OR10G7: variants seen among roughly 807,000 people sequenced by gnomAD.
The protein encoded by OR10G7 is olfactory receptor 10G7.
For missense variants in OR10G7, 338 were observed against 382.1 expected, an observed-to-expected ratio of 0.88 and a Z score of 0.96; for synonymous variants, 165 against 167.4, an observed-to-expected ratio of 0.99 and a Z score of 0.11.
chr11:124,038,683 C>G lies in OR10G7; in HGVS notation c.319G>C (p.Gly107Arg). 6.2e-7 allele frequency: 1 copy of G among 1,613,928 alleles called. No individual in the cohort carries two copies. The highest frequency in any genetic ancestry group is 8.5e-7 in the Non-Finnish European group (1 of 1,180,002). The change falls in exon 2 of 2, where the codon GGG becomes CGG. Residue 107 changes from glycine (G) to arginine (R), a missense_variant. By Grantham distance (125) the Gly-to-Arg change is moderately radical. Transcript: ENST00000641585. ...GTGTAGAGGAAACACTCGGTGCTCC[C>G]CAGGAAGTGGAAAAAATAGAGCTGA... The part of the protein sequence containing the change: ...VAQLYFFHFL[G>R]STECFLYTVM...
chr11:124,038,283 C>G lies in OR10G7; in HGVS notation c.719G>C (p.Cys240Ser). Reference protein sequence around the residue: ...SEGRHRAFQTCASHCIVVLCF... With the variant: ...SEGRHRAFQTSASHCIVVLCF... ...AAGGACCACGATACAGTGGGAGGCA[C>G]AGGTCTGAAAGGCTCTGTGCCTCCC... Residue 240 changes from cysteine (C) to serine (S), a missense_variant, in exon 2 of 2, where the codon TGT (cysteine) becomes TCT (serine). Cys to Ser is a moderately radical substitution (Grantham distance 112, BLOSUM62 -1). Transcript: ENST00000641585. 2 of 1,614,074 alleles carry G rather than the reference C, an allele frequency of 1.2e-6. No homozygotes were observed. The highest frequency in any genetic ancestry group is 1.1e-5 in the South Asian group (1 of 91,078).
At position 124,038,187 on chromosome 11, in the gene OR10G7, G is replaced by T; in HGVS notation, c.815C>A (p.Ala272Asp). The change falls in exon 2 of 2, where the codon GCC (alanine) becomes GAC (aspartate). Residue 272 changes from alanine (A) to aspartate (D), a missense_variant. Transcript: ENST00000641585. Reference protein sequence around the residue: ...GSRDALHGVVAVFYTTLTPLF... With the variant: ...GSRDALHGVVDVFYTTLTPLF... ...AGGAGTCAGCGTGGTGTAGAAAACG[G>T]CCACAACCCCATGCAAGGCGTCCCT... 6.2e-7 allele frequency: 1 copy of T among 1,614,068 alleles called. No homozygotes were observed. Among genetic ancestry groups the T allele is most frequent in the Admixed American group, 1.7e-5 (1 of 60,022 alleles).
rs766470518 is a variant in OR10G7, at chr11:124,038,554, T to C, written c.448A>G (p.Ser150Gly). 4 of 1,613,702 alleles carry C rather than the reference T, an allele frequency of 2.5e-6. No homozygotes were observed. The highest frequency in any genetic ancestry group is 2.5e-6 in the Non-Finnish European group (3 of 1,179,894). The change falls in exon 2 of 2, where the codon AGT (serine) becomes GGT (glycine). Residue 150 changes from serine to glycine, a missense_variant. Transcript: ENST00000641585. Reference protein sequence around the residue: ...CALLATGTWLSGSLHSAVQTI... With the variant: ...CALLATGTWLGGSLHSAVQTI... Reference sequence around the variant, plus strand: ...TGGACAGCAGAGTGCAGAGAGCCACTGAGCCAAGTGCCGGTGGCCAGGAGG... The same window carrying C: ...TGGACAGCAGAGTGCAGAGAGCCACCGAGCCAAGTGCCGGTGGCCAGGAGG...
intron 1 of OR10G7, 37 bp from the exon 2 acceptor site, chr11:124,039,058 G>A (rs1591471154): frequency 6.5e-7 from 1 of 1,544,204 alleles, no homozygotes; most frequent in East Asian, 2.3e-5. Flanking sequence ...AGCATTTACT[G>A]TGAGCATGTT....
rs1006094232 is a variant in OR10G7, at chr11:124,038,030, A to G, written c.*36T>C. ...TGAAGGTTTAATTTAATTACAAATA[A>G]AAAAAGAAAAGTTAGCCATATATGG... is the stretch of plus-strand genomic sequence containing the variant. On this transcript the variant is annotated 3_prime_UTR_variant, in exon 2 of 2. Transcript: ENST00000641585. 3 of 1,403,512 alleles carry G rather than the reference A, an allele frequency of 2.1e-6. No individual in the cohort carries two copies. Among genetic ancestry groups the G allele is most frequent in the South Asian group, 1.4e-5 (1 of 71,768 alleles). 86.9% of individuals were successfully genotyped at this position (1,403,512 alleles called of 1,614,324 possible). A position where few individuals can be genotyped will look rare whatever the true frequency, so the allele number is the denominator to read the frequency against.
At chr11:124,040,492 CCT>C (rs1321306258) in intron 1 of OR10G7, among the ~76,000 whole-genome samples, 1 of 151,820 alleles carries the variant, frequency 6.6e-6, no homozygotes, top group African/African-American at 2.4e-5. Flanking sequence ...AAGACCTGGA[CCT>C]CTCTGATAGA....
intron 1 of OR10G7, among the ~76,000 whole-genome samples, chr11:124,039,956 G>T (rs904309024): frequency 6.6e-6 from 1 of 151,986 alleles, no homozygotes; most frequent in African/African-American, 2.4e-5. Flanking sequence ...CCAGAAACTG[G>T]TCCCTCGTGC....
Position 124,037,912 on chromosome 11 carries a change from ACT to A in OR10G7, c.*152_*153del, listed in dbSNP as rs1472995213. 2.0e-5 allele frequency: 11 copies of A among 542,490 alleles called. No homozygotes were observed. Among genetic ancestry groups the A allele is most frequent in the African/African-American group, 7.6e-5 (4 of 52,754 alleles). The allele number at this position is 542,490 out of a possible 1,614,324, so 33.6% of individuals were successfully genotyped here. The stretch of plus-strand genomic sequence containing the variant: ...TGCTTTAACTAGGATTCTAACAAAC[ACT>A]CTGCAGAAAAAAATGAAAAATTAAT... On this transcript the variant is annotated 3_prime_UTR_variant, in exon 2 of 2. Coordinates refer to ENST00000641585, the MANE Select transcript of OR10G7 (RefSeq NM_001004463.2).
chr11:124,038,638 A>G lies in OR10G7; in HGVS notation c.364T>C (p.Tyr122His), dbSNP rs749977166. The change falls in exon 2 of 2, where the codon TAC becomes CAC. Residue 122 changes from tyrosine (Y) to histidine (H), a missense_variant. Coordinates refer to ENST00000641585, the MANE Select transcript of OR10G7 (RefSeq NM_001004463.2). ...FLYTVMSYDR[Y>H]LAISYPLRYT... ...CTGAGCGGGTAACTGATGGCCAGGTAGCGATCATAGGACATGACTGTGTAG... is the reference window on the plus strand; with the variant it reads ...CTGAGCGGGTAACTGATGGCCAGGTGGCGATCATAGGACATGACTGTGTAG... 1.9e-6 allele frequency: 3 copies of G among 1,613,964 alleles called. No individual in the cohort carries two copies. The highest frequency in any genetic ancestry group is 2.2e-5 in the East Asian group (1 of 44,878).
intron 1 of OR10G7, 102 bp from the exon 2 acceptor site, chr11:124,039,123 A>T: frequency 8.6e-7 from 1 of 1,160,122 alleles, no homozygotes; most frequent in Non-Finnish European, 1.2e-6. Context: ...GGGTTAAATT[A>T]TTTTTTATAT....
In OR10G7 at chr11:124,038,850, GA is replaced by G; in HGVS notation, c.151del (p.Ser51LeufsTer30). The G allele has an allele frequency of 6.2e-7, 1 of 1,613,700 alleles. No individual in the cohort carries two copies. Among genetic ancestry groups the G allele is most frequent in the Non-Finnish European group, 8.5e-7 (1 of 1,179,774 alleles). ...LLILLVIRVD[S>X]HLHTPMYYFL... Reference sequence around the variant, plus strand: ...GTAGTACATGGGGGTGTGGAGGTGAGAATCCACCCTGATCACCAGCAGGATG... The same window carrying G: ...GTAGTACATGGGGGTGTGGAGGTGAGATCCACCCTGATCACCAGCAGGATG... On this transcript the variant is annotated frameshift_variant, in exon 2 of 2. Coordinates refer to ENST00000641585, the MANE Select transcript of OR10G7 (RefSeq NM_001004463.2). LOFTEE classifies it low-confidence loss of function (END_TRUNC).
rs1477962464 is a variant in OR10G7, at chr11:124,036,043, C to A, written c.*2023G>T. On this transcript the variant is annotated 3_prime_UTR_variant, in exon 2 of 2. Coordinates refer to ENST00000641585, the MANE Select transcript of OR10G7 (RefSeq NM_001004463.2). ...GGTGTTAAAACTGTATAGTATTTAA[C>A]AAATACACACACATACACGTGAGTA... The A allele has an allele frequency of 6.6e-6, 1 of 152,020 alleles. No individual in the cohort carries two copies. Among genetic ancestry groups the A allele is most frequent in the Non-Finnish European group, 1.5e-5 (1 of 67,992 alleles). 9.4% of individuals were successfully genotyped at this position (152,020 alleles called of 1,614,324 possible).
intron 1 of OR10G7, among the ~76,000 whole-genome samples, chr11:124,039,399 A>G (rs1390592269): frequency 2.6e-5 from 4 of 152,122 alleles, no homozygotes; most frequent in African/African-American, 9.7e-5. Flanking sequence ...AAACACACAC[A>G]TATATAGATA....
Position 124,038,631 on chromosome 11 carries a change from G to T in OR10G7, c.371C>A (p.Ala124Asp). 1 of 1,613,954 alleles carries T rather than the reference G, an allele frequency of 6.2e-7. No individual in the cohort carries two copies. Among genetic ancestry groups the T allele is most frequent in the Non-Finnish European group, 8.5e-7 (1 of 1,179,994 alleles). The change falls in exon 2 of 2, where the codon GCC becomes GAC. Residue 124 changes from alanine (A) to aspartate (D), a missense_variant. Coordinates refer to ENST00000641585, the MANE Select transcript of OR10G7 (RefSeq NM_001004463.2). ...GGTGTACCTGAGCGGGTAACTGATG[G>T]CCAGGTAGCGATCATAGGACATGAC... ...YTVMSYDRYL[A>D]ISYPLRYTNM...
chr11:124,041,033 A>C lies in OR10G7; in HGVS notation c.-168T>G, dbSNP rs1022883656. 1 of 152,158 alleles carries C rather than the reference A, an allele frequency of 6.6e-6. No homozygotes were observed. Among genetic ancestry groups the C allele is most frequent in the African/African-American group, 2.4e-5 (1 of 41,406 alleles). The allele number at this position is 152,158 out of a possible 1,614,324, so 9.4% of individuals were successfully genotyped here. On this transcript the variant is annotated 5_prime_UTR_variant, in exon 1 of 2. Transcript: ENST00000641585. ...TTAAATAGAACTTAATATGAATTTG[A>C]TGTCTTAGGAGACACTCCGTTAGCT...
At position 124,039,629 on chromosome 11, in the gene OR10G7, C is replaced by T. The variant is rs1049595008; in HGVS notation, c.-20-608G>A. 2.0e-5 allele frequency among the ~76,000 whole-genome samples: 3 copies of T among 152,102 alleles called. 1 individual carries two copies. The highest frequency in any genetic ancestry group is 7.3e-5 in the African/African-American group (3 of 41,364). On this transcript the variant is annotated intron_variant, in intron 1 of 1. Transcript: ENST00000641585. ...GCAGTGGTTTAGCATTATGTGGAGC[C>T]GGTCTTCTGTTCCTTTGTCTTACCC...
At position 124,038,489 on chromosome 11, in the gene OR10G7, G is replaced by A; in HGVS notation, c.513C>T (p.Asn171=). 6.2e-7 allele frequency: 1 copy of A among 1,613,818 alleles called. No homozygotes were observed. The highest frequency in any genetic ancestry group is 8.5e-7 in the Non-Finnish European group (1 of 1,179,840). ...LTFHLPYCGP[N]QIQHYFCDAP... ...CGTCACAGAAGTAGTGCTGGATCTG[G>A]TTGGGTCCACAGTAGGGCAAATGGA... Residue 171 remains asparagine (N), a synonymous_variant, in exon 2 of 2, where the codon AAC becomes AAT. Transcript: ENST00000641585.
In OR10G7 at chr11:124,038,388, A is replaced by G. The variant is rs372508264; in HGVS notation, c.614T>C (p.Val205Ala). 3.2e-5 allele frequency: 51 copies of G among 1,614,034 alleles called. No homozygotes were observed. The highest frequency in any genetic ancestry group is 4.2e-5 in the Non-Finnish European group (49 of 1,180,026). The change falls in exon 2 of 2, where the codon GTG becomes GCG. Residue 205 changes from valine (V) to alanine (A), a missense_variant. Transcript: ENST00000641585. ...TATCAGGACAAAGCAGCCCGAGGCC[A>G]CTAGCCCAATATTCACAAAGATGAC... ...EMVIFVNIGL[V>A]ASGCFVLIVL...
intron 1 of OR10G7, among the ~76,000 whole-genome samples, chr11:124,040,569 G>C (rs192675475): frequency 6.8e-6 from 1 of 146,176 alleles, no homozygotes; most frequent in Admixed American, 6.7e-5. Context: ...CATTTTTTGT[G>C]GGGGGGGCTC....
Sources: gnomAD v4.1 joint callset for allele counts (sites outside exome capture counted in the v4.1 genomes callset) on GRCh38, gnomAD v4.1.1 for gene constraint, MANE v1.5 for transcripts, NCBI Gene and HGNC (gene_info 2026-07-23, HGNC 2026-07-21) for gene names.